SEL1L3: variants seen among roughly 807,000 people sequenced by gnomAD.
The protein encoded by SEL1L3 is protein sel-1 homolog 3.
A neutral mutation model predicts 142.8 loss-of-function variants in SEL1L3; 76 were observed. That is an observed-to-expected ratio of 0.53 (90% CI 0.44 to 0.64). SEL1L3 has a LOEUF of 0.64. SEL1L3 is among the 30% of genes least tolerant of loss of function. The pLI is 0.00. For missense variants in SEL1L3, 1,262 were observed against 1,381.7 expected (o/e 0.91, Z 1.37); for synonymous variants, 504 against 519.6 (o/e 0.97, Z 0.41).
chr4:25,832,852 T>C, intron 5 of SEL1L3, 143 bp downstream of exon 5: 2 of 594,528 alleles, frequency 3.4e-6, no homozygotes, highest in Middle Eastern at 2.6e-4. Flanking sequence ...GAAAGTTTGA[T>C]TTAGCAAGCG....
At chr4:25,802,937 A>C (rs1366802129) in intron 10 of SEL1L3, among the ~76,000 whole-genome samples, 1 of 152,236 alleles carries the variant, frequency 6.6e-6, no homozygotes, top group Non-Finnish European at 1.5e-5. Flanking sequence ...ATTTCCAGCT[A>C]GCTGCCCTTC....
At chr4:25,761,131 G>T (rs1177102327) in intron 20 of SEL1L3, among the ~76,000 whole-genome samples, 1 of 152,162 alleles carries the variant, frequency 6.6e-6, no homozygotes, top group Non-Finnish European at 1.5e-5. Context: ...TCTTTGAAAG[G>T]AAGGCACTCT....
chr4:25,813,071 A>G (rs1714140450), intron 9 of SEL1L3, among the ~76,000 whole-genome samples: 1 of 152,226 alleles, frequency 6.6e-6, no homozygotes, highest in East Asian at 1.9e-4. Context: ...ATGTGGAGAA[A>G]TTGGAACCCT....
intron 19 of SEL1L3, among the ~76,000 whole-genome samples, chr4:25,765,654 A>T (rs928947851): frequency 6.6e-6 from 1 of 151,590 alleles, no homozygotes. Context: ...TTTTTTCTAA[A>T]TTTTTTGCGA....
the SEL1L3 span, among the ~76,000 whole-genome samples, chr4:25,723,720 A>G: frequency 6.6e-6 from 1 of 152,078 alleles, no homozygotes; most frequent in Non-Finnish European, 1.5e-5. Context: ...GCCCCTCATC[A>G]CCACCACCAG....
intron 23 of SEL1L3, among the ~76,000 whole-genome samples, chr4:25,752,108 C>CAA (rs758727448): frequency 0.03 from 3,003 of 99,348 alleles, 155 homozygotes; most frequent in African/African-American, 0.11. Context: ...GACTCCATCT[C>CAA]AAAAAAAAAA....
At chr4:25,718,601 T>A in the SEL1L3 span, 1 of 152,178 alleles carries the variant, frequency 6.6e-6, no homozygotes, top group African/African-American at 2.4e-5. Flanking sequence ...TACGTGATTT[T>A]CGATCAGTTT....
At chr4:25,813,731 TA>T (rs984771038) in intron 9 of SEL1L3, among the ~76,000 whole-genome samples, 3 of 152,210 alleles carry the variant, frequency 2.0e-5, no homozygotes, top group Middle Eastern at 3.2e-3. Context: ...ATAAGAATTT[TA>T]AAAAGATAAA....
chr4:25,809,997 C>CA (rs1713908817), intron 9 of SEL1L3, among the ~76,000 whole-genome samples: 1 of 152,210 alleles, frequency 6.6e-6, no homozygotes, highest in African/African-American at 2.4e-5. Context: ...TGTGTGGGGA[C>CA]ACCTCTGCCC....
intron 1 of SEL1L3, chr4:25,862,187 A>G (rs1294079806): frequency 6.6e-6 from 1 of 151,740 alleles, no homozygotes; most frequent in Non-Finnish European, 1.5e-5. Context: ...GGCCGGGAGG[A>G]CCCGGTGGAA....
At chr4:25,769,485 G>A (rs1033491030) in intron 17 of SEL1L3, among the ~76,000 whole-genome samples, 1 of 152,190 alleles carries the variant, frequency 6.6e-6, no homozygotes, top group African/African-American at 2.4e-5. Context: ...AAGTGCAGCT[G>A]CAACAACGTC....
At chr4:25,863,345 T>G (rs1212833640), upstream of SEL1L3, 1 of 410,116 alleles carries the variant, frequency 2.4e-6, no homozygotes, top group Non-Finnish European at 4.6e-6. Context: ...CCAAACCCCC[T>G]CTCTTTTTCA....
chr4:25,852,873 T>C (rs1341231560), intron 1 of SEL1L3, among the ~76,000 whole-genome samples: 1 of 152,160 alleles, frequency 6.6e-6, no homozygotes, highest in African/African-American at 2.4e-5. Flanking sequence ...GATGCTAGGA[T>C]CTCCAGTGAA....
intron 2 of SEL1L3, among the ~76,000 whole-genome samples, chr4:25,842,626 C>G (rs1156464304): frequency 2.0e-5 from 3 of 152,170 alleles, no homozygotes; most frequent in African/African-American, 7.2e-5. Context: ...CCACCTCCAC[C>G]CCCACACCCT....
In SEL1L3 at chr4:25,765,403, CA is replaced by C; in HGVS notation, c.2877del (p.Tyr959Ter). ...AGGTCTTGTGACTGGTTTTGGTGGCCATAGTAGTAAAGGTCTCCCATCTTCA... is the reference window on the plus strand; with the variant it reads ...AGGTCTTGTGACTGGTTTTGGTGGCCTAGTAGTAAAGGTCTCCCATCTTCA... Reference protein sequence around the residue: ...AYLKMGDLYYYGHQNQSQDLE... With the variant: ...AYLKMGDLYYXGHQNQSQDLE... On this transcript the variant is annotated frameshift_variant, in exon 20 of 24. Transcript: ENST00000399878. LOFTEE classifies it high-confidence loss of function. 1 of 1,613,528 alleles carries C rather than the reference CA, an allele frequency of 6.2e-7. No homozygotes were observed.
At chr4:25,722,229 T>C in the SEL1L3 span, among the ~76,000 whole-genome samples, 1 of 152,192 alleles carries the variant, frequency 6.6e-6, no homozygotes, top group East Asian at 1.9e-4. Flanking sequence ...AAAGTTTGTT[T>C]ATGCAGACTC....
intron 23 of SEL1L3, among the ~76,000 whole-genome samples, chr4:25,753,721 T>A (rs890728137): frequency 1.1e-4 from 16 of 152,256 alleles, no homozygotes; most frequent in South Asian, 4.1e-4. Context: ...CAGTGGCTTA[T>A]GCCTGTAGTC....
chr4:25,819,273 T>C (rs1714598258), intron 8 of SEL1L3, among the ~76,000 whole-genome samples: 1 of 152,246 alleles, frequency 6.6e-6, no homozygotes, highest in South Asian at 2.1e-4. Context: ...AAGCAGTCTA[T>C]TTGAAATTCA....
chr4:25,721,898 G>C, the SEL1L3 span, among the ~76,000 whole-genome samples: 1 of 152,204 alleles, frequency 6.6e-6, no homozygotes, highest in Non-Finnish European at 1.5e-5. Flanking sequence ...TGTTTGCACA[G>C]TTGTGCTTTC....
Sources: gnomAD v4.1 joint callset for allele counts (sites outside exome capture counted in the v4.1 genomes callset) on GRCh38, gnomAD v4.1.1 for gene constraint, MANE v1.5 for transcripts, NCBI Gene and HGNC (gene_info 2026-07-23, HGNC 2026-07-21) for gene names.